The following SLMAP variants were observed in gnomAD, a reference collection of about 807,000 sequenced individuals.
SLMAP encodes the protein sarcolemmal membrane-associated protein.
SLMAP carries 44 observed loss-of-function variants against 128.8 expected under a neutral mutation model. That is an observed-to-expected ratio of 0.34 (90% CI 0.27 to 0.44). The LOEUF (loss-of-function observed/expected upper bound fraction) is 0.44, where lower values mean the gene tolerates loss of function less well. Among genes scored for constraint, SLMAP ranks in the 20% least tolerant of loss-of-function variants. The pLI is 1.00. For synonymous variants in SLMAP, 327 were observed against 348.8 expected (o/e 0.94, Z 0.70); for missense variants, 787 against 985.3 (o/e 0.80, Z 2.69).
chr3:57,890,000 T>G, intron 14 of SLMAP, 41 bp from the exon 15 acceptor site: 3 of 1,406,090 alleles, frequency 2.1e-6, no homozygotes, highest in African/African-American at 1.4e-5. Context: ...GAAATGCTGC[T>G]CAGTTTGGGC....
At position 57,928,262 on chromosome 3, in the gene SLMAP, T is replaced by C. The variant is rs1238259262; in HGVS notation, c.*973T>C. 6.6e-6 allele frequency: 1 copy of C among 151,972 alleles called. No homozygotes were observed. The highest frequency in any genetic ancestry group is 1.5e-5 in the Non-Finnish European group (1 of 67,980). The allele number at this position is 151,972 out of a possible 1,614,324, so 9.4% of individuals were successfully genotyped here. The stretch of plus-strand genomic sequence containing the variant: ...CTCATATACAGCATTTTAGGAAGCA[T>C]GATTTTTTTTTTCTATCATCTATTC... On this transcript the variant is annotated 3_prime_UTR_variant, in exon 25 of 25. Coordinates refer to ENST00000671191, the MANE Select transcript of SLMAP (RefSeq NM_001377540.1).
intron 2 of SLMAP, among the ~76,000 whole-genome samples, chr3:57,825,500 C>CTTTTTTT (rs539901060): frequency 9.4e-6 from 1 of 106,580 alleles, no homozygotes; most frequent in Non-Finnish European, 2.0e-5. Flanking sequence ...TGTGTGTTTT[C>CTTTTTTT]TTTTTTTTTT....
intron 19 of SLMAP, among the ~76,000 whole-genome samples, chr3:57,911,138 C>T (rs1400721191): frequency 6.6e-6 from 1 of 152,144 alleles, no homozygotes; most frequent in Admixed American, 6.5e-5. Flanking sequence ...GGTTCTGTGA[C>T]ATAGTGCTAC....
intron 17 of SLMAP, among the ~76,000 whole-genome samples, chr3:57,905,358 T>C (rs1201476724): frequency 6.6e-6 from 1 of 152,152 alleles, no homozygotes; most frequent in Non-Finnish European, 1.5e-5. Flanking sequence ...CTCGGCTCAC[T>C]GCAGCCTTGG....
At chr3:57,862,770 A>C (rs1192517044) in intron 10 of SLMAP, among the ~76,000 whole-genome samples, 1 of 152,214 alleles carries the variant, frequency 6.6e-6, no homozygotes, top group African/African-American at 2.4e-5. Context: ...AGGTGGTACT[A>C]CATATTAAAT....
intron 2 of SLMAP, among the ~76,000 whole-genome samples, chr3:57,790,916 A>G (rs1389154879): frequency 6.6e-6 from 1 of 152,238 alleles, no homozygotes; most frequent in Non-Finnish European, 1.5e-5. Context: ...CATGAATATA[A>G]AGATAATAAG....
At position 57,820,876 on chromosome 3, in the gene SLMAP, T is replaced by TATTG. The variant is rs577463408; in HGVS notation, c.199-10506_199-10503dup. ...ACTCCTGCCCCTACTGCCTGGTGAA[T>TATTG]ATTGCCCCATTAAGGTCCAGGCCCT... On this transcript the variant is annotated intron_variant, in intron 2 of 24. Transcript: ENST00000671191. Among the ~76,000 whole-genome samples the TATTG allele has an allele frequency of 4.1e-3, 617 of 152,306 alleles. 6 individuals carry two copies. Among genetic ancestry groups the TATTG allele is most frequent in the African/African-American group, 0.014 (600 of 41,578 alleles).
rs1249507574 is a variant in SLMAP at position 57,762,890 on chromosome 3, A to AT, written c.198+5047dup. Among the ~76,000 whole-genome samples, 28 of 151,802 alleles carry AT rather than the reference A, an allele frequency of 1.8e-4. No homozygotes were observed. The East Asian group carries it at 5.4e-3, about 30-fold the overall frequency. ...GCCACCATGCCCAGATGCCTGGCTA[A>AT]TTTTTTGTATTTTTAGTAGAGACAG... On this transcript the variant is annotated intron_variant, in intron 2 of 24. Transcript: ENST00000671191.
At position 57,766,667 on chromosome 3, in the gene SLMAP, C is replaced by G. The variant is rs151234919; in HGVS notation, c.198+8818C>G. Among the ~76,000 whole-genome samples the G allele has an allele frequency of 3.1e-3, 466 of 151,856 alleles. 4 individuals carry two copies. The highest frequency in any genetic ancestry group is 5.1e-3 in the Non-Finnish European group (349 of 67,926). ...TATCTTATTTTCTTTTTTTCTAGCT[C>G]TCTCTTTTATTACTGTTTTTTCTTC... On this transcript the variant is annotated intron_variant, in intron 2 of 24. Transcript: ENST00000671191.
At chr3:57,908,030 C>T (rs1191567624) in intron 18 of SLMAP, 24 bp downstream of exon 18, 7 of 1,611,030 alleles carry the variant, frequency 4.3e-6, no homozygotes, top group Non-Finnish European at 5.9e-6. Context: ...TACTTTGGTT[C>T]TTTAGGGATG....
intron 2 of SLMAP, among the ~76,000 whole-genome samples, chr3:57,793,667 T>G (rs529802236): frequency 6.6e-6 from 1 of 152,352 alleles, no homozygotes; most frequent in African/African-American, 2.4e-5. Context: ...CCTCAACTAC[T>G]AGCATTTGGT....
chr3:57,895,135 A>AT (rs2096206254), intron 15 of SLMAP, among the ~76,000 whole-genome samples: 1 of 151,782 alleles, frequency 6.6e-6, no homozygotes. Context: ...AAAAAAAAAA[A>AT]GAAAGGAATT....
chr3:57,902,285 G>T (rs2096404816), intron 17 of SLMAP: 2 of 151,984 alleles, frequency 1.3e-5, no homozygotes, highest in South Asian at 2.1e-4. Flanking sequence ...TATTTTAAAT[G>T]GGTAGGATTA....
intron 15 of SLMAP, among the ~76,000 whole-genome samples, chr3:57,894,327 A>G (rs530666070): frequency 2.0e-4 from 30 of 152,332 alleles, no homozygotes; most frequent in African/African-American, 7.0e-4. Context: ...GGGTCATATT[A>G]TACATACTGC....
intron 22 of SLMAP, among the ~76,000 whole-genome samples, chr3:57,921,636 CAAAT>C (rs2096921127): frequency 6.6e-6 from 1 of 152,088 alleles, no homozygotes; most frequent in Non-Finnish European, 1.5e-5. Flanking sequence ...AAAAAATAAA[CAAAT>C]AAAATAAAAA....
intron 5 of SLMAP, among the ~76,000 whole-genome samples, chr3:57,849,250 A>C (rs989291497): frequency 8.6e-5 from 13 of 151,830 alleles, no homozygotes; most frequent in African/African-American, 3.1e-4. Flanking sequence ...CCTTGAAAAA[A>C]CCCTTATAGA....
At chr3:57,758,882 C>T (rs2078081660) in intron 2 of SLMAP, among the ~76,000 whole-genome samples, 1 of 152,172 alleles carries the variant, frequency 6.6e-6, no homozygotes, top group African/African-American at 2.4e-5. Flanking sequence ...TTATGTAAGA[C>T]TAATAGGACT....
intron 19 of SLMAP, among the ~76,000 whole-genome samples, chr3:57,910,756 G>A (rs1185377892): frequency 6.6e-6 from 1 of 152,110 alleles, no homozygotes; most frequent in African/African-American, 2.4e-5. Flanking sequence ...TTGCCTTCTT[G>A]TCAAAGAAGG....
chr3:57,867,641 C>T (rs927825526), intron 13 of SLMAP, among the ~76,000 whole-genome samples: 1 of 152,156 alleles, frequency 6.6e-6, no homozygotes, highest in South Asian at 2.1e-4. Context: ...GAATAAGATG[C>T]GTCACTTAAT....
Sources: allele counts gnomAD v4.1 joint callset (sites outside exome capture counted in the v4.1 genomes callset), GRCh38; gene constraint gnomAD v4.1.1; transcripts MANE v1.5; gene names NCBI Gene and HGNC (gene_info 2026-07-23, HGNC 2026-07-21).